Variants in LRRIQ3 observed in about 807,000 individuals in gnomAD.
The protein encoded by LRRIQ3 is leucine-rich repeat and IQ domain-containing protein 3.
A neutral mutation model predicts 59.3 loss-of-function variants in LRRIQ3; 75 were observed. The ratio of observed to expected loss-of-function variants is 1.26; its 90% CI spans 1.05 to 1.53. The LOEUF (loss-of-function observed/expected upper bound fraction) is 1.53. Ranked by LOEUF, LRRIQ3 falls within the 40% of genes most tolerant of loss-of-function variation. LRRIQ3 has a pLI of 0.00. For synonymous variants in LRRIQ3, 250 were observed against 231.3 expected, an observed-to-expected ratio of 1.08 and a Z score of -0.73; for missense variants, 831 against 710.0, an observed-to-expected ratio of 1.17 and a Z score of -1.94.
chr1:74,188,458 C>T (rs1650550766), intron 1 of LRRIQ3, among the ~76,000 whole-genome samples: 1 of 152,156 alleles, frequency 6.6e-6, no homozygotes, highest in Non-Finnish European at 1.5e-5. Context: ...ACCCTGGCTT[C>T]TTAGTTAATG....
At chr1:74,151,529 C>T (rs1286199944) in intron 4 of LRRIQ3, among the ~76,000 whole-genome samples, 3 of 144,308 alleles carry the variant, frequency 2.1e-5, no homozygotes, top group Non-Finnish European at 3.0e-5. Flanking sequence ...CAGGAGGAAA[C>T]AGACAAAAGT....
chr1:74,135,392 T>C (rs1462654627), intron 4 of LRRIQ3, among the ~76,000 whole-genome samples: 1 of 151,912 alleles, frequency 6.6e-6, no homozygotes, highest in African/African-American at 2.4e-5. Context: ...AGGAACTCTA[T>C]CAACTAACTT....
chr1:74,071,961 A>G (rs1052071524), intron 6 of LRRIQ3, among the ~76,000 whole-genome samples: 57 of 152,124 alleles, frequency 3.7e-4, no homozygotes, highest in African/African-American at 1.4e-3. Flanking sequence ...GATTTGTAAT[A>G]CTCAACAATA....
intron 5 of LRRIQ3, among the ~76,000 whole-genome samples, chr1:74,090,587 C>G (rs1405558990): frequency 6.6e-6 from 1 of 151,950 alleles, no homozygotes; most frequent in African/African-American, 2.4e-5. Context: ...TTCAAAAAGC[C>G]TTATGAAAGA....
chr1:74,183,650 C>T lies in LRRIQ3; in HGVS notation c.35G>A (p.Ser12Asn), dbSNP rs766833403. 5.0e-6 allele frequency: 8 copies of T among 1,607,022 alleles called. No homozygotes were observed. The East Asian group carries it at 1.8e-4, about 36-fold the overall frequency. ...FHGTVTEELT[S>N]HEEWSHYNEN... The stretch of plus-strand genomic sequence containing the variant: ...ATTATAGTGACTCCATTCTTCATGA[C>T]TGGTTAGCTCTTCTGTGACTGTTCC... Residue 12 changes from serine to asparagine, a missense_variant, in exon 2 of 8, where the codon AGT becomes AAT. Physicochemically the swap from Ser to Asn is conservative, Grantham distance 46. Transcript: ENST00000354431.
At chr1:74,063,601 T>C (rs937331852) in intron 6 of LRRIQ3, among the ~76,000 whole-genome samples, 1 of 152,102 alleles carries the variant, frequency 6.6e-6, no homozygotes, top group African/African-American at 2.4e-5. Flanking sequence ...ATATTTGTTA[T>C]ATATTCCTAA....
chr1:74,119,164 G>A (rs1266485372), intron 4 of LRRIQ3, among the ~76,000 whole-genome samples: 1 of 151,958 alleles, frequency 6.6e-6, no homozygotes, highest in African/African-American at 2.4e-5. Context: ...AATGGTGATA[G>A]CAATTGTCAC....
In LRRIQ3 at chr1:74,183,583, C is replaced by T. The variant is rs1453762467; in HGVS notation, c.102G>A (p.Lys34=). The T allele has an allele frequency of 1.9e-6, 3 of 1,611,942 alleles. No homozygotes were observed. Among genetic ancestry groups the T allele is most frequent in the Non-Finnish European group, 2.5e-6 (3 of 1,178,712 alleles). ...TAGACTTTAAATGAAGGCCATTGAA[C>T]TTCACAAAAACAAAATCTTTTTGAC... The part of the protein sequence containing the change: ...REGQKDFVFV[K]FNGLHLKSME... Residue 34 remains lysine (K), a synonymous_variant, in exon 2 of 8, where the codon AAG becomes AAA. Coordinates refer to ENST00000354431, the MANE Select transcript of LRRIQ3 (RefSeq NM_001105659.2).
intron 6 of LRRIQ3, among the ~76,000 whole-genome samples, chr1:74,059,910 T>C (rs762289279): frequency 3.3e-5 from 5 of 152,112 alleles, no homozygotes; most frequent in Non-Finnish European, 7.4e-5. Context: ...TTATTCCTAG[T>C]TATTTTATTC....
At chr1:74,153,922 A>C (rs1032212520) in intron 4 of LRRIQ3, among the ~76,000 whole-genome samples, 4 of 152,102 alleles carry the variant, frequency 2.6e-5, no homozygotes, top group African/African-American at 7.2e-5. Flanking sequence ...CACAGAGAGC[A>C]CTAAATATAA....
At position 74,041,950 on chromosome 1, in the gene LRRIQ3, C is replaced by G; in HGVS notation, c.998-17G>C. 5.1e-6 allele frequency: 8 copies of G among 1,566,934 alleles called. No individual in the cohort carries two copies. Among genetic ancestry groups the G allele is most frequent in the Non-Finnish European group, 6.9e-6 (8 of 1,160,746 alleles). On this transcript the variant is annotated splice_polypyrimidine_tract_variant and intron_variant, in intron 6 of 7. Transcript: ENST00000354431. ...ACTCCTGACCTACATCAAACAGAAGCAAATATTATACATTATACAAGAGCT... is the reference window on the plus strand; with the variant it reads ...ACTCCTGACCTACATCAAACAGAAGGAAATATTATACATTATACAAGAGCT...
intron 4 of LRRIQ3, among the ~76,000 whole-genome samples, chr1:74,115,223 A>G (rs1239180031): frequency 6.6e-6 from 1 of 152,164 alleles, no homozygotes; most frequent in Non-Finnish European, 1.5e-5. Context: ...CTAAGGACCT[A>G]TTGATTAAAA....
intron 6 of LRRIQ3, among the ~76,000 whole-genome samples, chr1:74,067,102 A>G (rs1654887925): frequency 6.6e-6 from 1 of 152,152 alleles, no homozygotes; most frequent in Non-Finnish European, 1.5e-5. Context: ...TTCGCCAAAC[A>G]TTGAACACAC....
chr1:74,182,360 C>A (rs2100723673), intron 3 of LRRIQ3, 178 bp downstream of exon 3: 1 of 364,082 alleles, frequency 2.7e-6, no homozygotes, highest in Non-Finnish European at 4.7e-6. Context: ...AGTTGGCATG[C>A]AAACTTTTAT....
chr1:74,076,309 T>C (rs1350086933), intron 5 of LRRIQ3, among the ~76,000 whole-genome samples: 1 of 152,204 alleles, frequency 6.6e-6, no homozygotes, highest in African/African-American at 2.4e-5. Flanking sequence ...AACATTTACA[T>C]AGCGCTTATC....
At chr1:74,170,930 C>T (rs1300717177) in intron 3 of LRRIQ3, among the ~76,000 whole-genome samples, 1 of 152,046 alleles carries the variant, frequency 6.6e-6, no homozygotes. Flanking sequence ...CTTTCTGGTG[C>T]TATTTTAAAT....
chr1:74,195,876 A>G (rs1651082936), intron 1 of LRRIQ3, among the ~76,000 whole-genome samples: 1 of 152,196 alleles, frequency 6.6e-6, no homozygotes, highest in African/African-American at 2.4e-5. Flanking sequence ...TTAAGATGTT[A>G]AACAGTCATA....
chr1:74,048,488 A>T (rs1654269243), intron 6 of LRRIQ3, among the ~76,000 whole-genome samples: 1 of 152,186 alleles, frequency 6.6e-6, no homozygotes, highest in Admixed American at 6.6e-5. Context: ...TTAAAATTAC[A>T]TATGATCTCA....
intron 6 of LRRIQ3, among the ~76,000 whole-genome samples, chr1:74,072,953 T>G (rs1248302826): frequency 1.3e-5 from 2 of 152,212 alleles, no homozygotes; most frequent in African/African-American, 4.8e-5. Flanking sequence ...AAAAATGCTT[T>G]TGGCTCTTAA....
Sources: gnomAD v4.1 joint callset for allele counts (sites outside exome capture counted in the v4.1 genomes callset) on GRCh38, gnomAD v4.1.1 for gene constraint, MANE v1.5 for transcripts, NCBI Gene and HGNC (gene_info 2026-07-23, HGNC 2026-07-21) for gene names.